The following C6orf118 variants were observed in gnomAD, a reference collection of about 807,000 sequenced individuals.
The protein encoded by C6orf118 is uncharacterized protein C6orf118.
Under a neutral mutation model 50.2 loss-of-function variants are expected in C6orf118, and 50 were observed. That is an observed-to-expected ratio of 1.00 (90% CI 0.79 to 1.26). The LOEUF is 1.26. Among genes scored for constraint, C6orf118 ranks in the 50% most tolerant of loss-of-function variants. The probability of loss-of-function intolerance (pLI) is 0.00; values close to 1 mark genes in which losing one functional copy is unlikely to be tolerated. For synonymous variants in C6orf118, 239 were observed against 230.9 expected, an observed-to-expected ratio of 1.03 and a Z score of -0.32; for missense variants, 641 against 578.7, an observed-to-expected ratio of 1.11 and a Z score of -1.10.
At position 165,289,921 on chromosome 6, in the gene C6orf118, A is replaced by C. The variant is rs753051233; in HGVS notation, c.1267T>G (p.Ser423Ala). Residue 423 changes from serine (S) to alanine (A), a missense_variant, in exon 7 of 9, where the codon TCA becomes GCA. Transcript: ENST00000230301. ...IKTTLVHTGISDITENRIKSI... is the reference protein window; with the variant it reads ...IKTTLVHTGIADITENRIKSI... ...TTAATCCTATTCTCAGTGATATCTG[A>C]AATTCCAGTATGAACCAAAGTTGTT... is the stretch of plus-strand genomic sequence containing the variant. 2 of 1,606,902 alleles carry C rather than the reference A, an allele frequency of 1.2e-6. No homozygotes were observed. The highest frequency in any genetic ancestry group is 1.7e-6 in the Non-Finnish European group (2 of 1,177,282).
chr6:165,295,317 T>C (rs1170601532), intron 5 of C6orf118, among the ~76,000 whole-genome samples: 1 of 152,196 alleles, frequency 6.6e-6, no homozygotes, highest in Non-Finnish European at 1.5e-5. Context: ...TTTCTCTCCT[T>C]AGTTTTTAAA....
chr6:165,293,750 T>C (rs897198022), intron 5 of C6orf118, among the ~76,000 whole-genome samples: 6 of 152,238 alleles, frequency 3.9e-5, no homozygotes, highest in African/African-American at 1.4e-4. Flanking sequence ...TTTTTGTTAA[T>C]GCAATTGCTA....
intron 7 of C6orf118, among the ~76,000 whole-genome samples, chr6:165,288,461 T>C (rs1039559822): frequency 1.3e-5 from 2 of 152,144 alleles, no homozygotes; most frequent in African/African-American, 4.8e-5. Context: ...TATAAATCAT[T>C]CTATTATAAA....
At chr6:165,285,909 G>A (rs1243676801) in intron 7 of C6orf118, among the ~76,000 whole-genome samples, 4 of 150,684 alleles carry the variant, frequency 2.7e-5, no homozygotes, top group African/African-American at 9.8e-5. Flanking sequence ...GGAGAAGACA[G>A]GAAATAATCA....
In C6orf118 at chr6:165,301,807, C is replaced by T. The variant is rs545305011; in HGVS notation, c.515G>A (p.Arg172His). Residue 172 changes from arginine (R) to histidine (H), a missense_variant, in exon 2 of 9, where the codon CGC becomes CAC. Physicochemically the swap from Arg to His is conservative, Grantham distance 29 (BLOSUM62 0). Coordinates refer to ENST00000230301, the MANE Select transcript of C6orf118 (RefSeq NM_144980.4). ...GGGCAGCCGGAGTTCTTCCCTCCTG[C>T]GCCATCCAGGAGGGCCCCGTCCAGG... ...GPPGRGPPGWRRREELRLPDL... is the reference protein window; with the variant it reads ...GPPGRGPPGWHRREELRLPDL... 27 of 1,613,938 alleles carry T rather than the reference C, an allele frequency of 1.7e-5. No homozygotes were observed. The highest frequency in any genetic ancestry group is 1.2e-4 in the African/African-American group (9 of 75,020).
chr6:165,290,066 T>C lies in C6orf118; in HGVS notation c.1122A>G (p.Glu374=). The change falls in exon 7 of 9, where the codon GAA becomes GAG. Residue 374 remains glutamate, a splice_region_variant and synonymous_variant. Coordinates refer to ENST00000230301, the MANE Select transcript of C6orf118 (RefSeq NM_144980.4). The stretch of plus-strand genomic sequence containing the variant: ...CATCAATTATATGTTTCTCAGATGA[T>C]TCTGGAAATATTTTTTAAAACAAAG... The part of the protein sequence containing the change: ...ALLQSAKERS[E]SSEKHIIDEN... 1 of 1,577,284 alleles carries C rather than the reference T, an allele frequency of 6.3e-7. No individual in the cohort carries two copies. Among genetic ancestry groups the C allele is most frequent in the South Asian group, 1.2e-5 (1 of 85,282 alleles).
At position 165,280,040 on chromosome 6, in the gene C6orf118, G is replaced by T. The variant is rs780779442; in HGVS notation, c.*17C>A. ...AGTTAAGAATTTCCACTGGCCATTT[G>T]TTCAGCCACTTGAGCGTTATCTTCT... On this transcript the variant is annotated 3_prime_UTR_variant, in exon 9 of 9. Coordinates refer to ENST00000230301, the MANE Select transcript of C6orf118 (RefSeq NM_144980.4). The T allele has an allele frequency of 6.3e-6, 10 of 1,597,586 alleles. No individual in the cohort carries two copies. In the East Asian group the frequency reaches 2.0e-4, roughly 32 times the overall value.
chr6:165,300,472 A>C lies in C6orf118; in HGVS notation c.768T>G (p.Ile256Met), dbSNP rs510579. 603,033 of 1,607,492 alleles carry C rather than the reference A, an allele frequency of 0.38. 121,026 individuals are homozygous for C. The highest frequency in any genetic ancestry group is 0.76 in the African/African-American group (56,763 of 74,692). The change falls in exon 3 of 9, where the codon ATT becomes ATG. Residue 256 changes from isoleucine to methionine, a missense_variant. Transcript: ENST00000230301. Reference protein sequence around the residue: ...ERKLQQELQKICTCSPQQFNR... With the variant: ...ERKLQQELQKMCTCSPQQFNR... ...TGAACTGCTGGGGGCTGCACGTGCA[A>C]ATTTTCTGGAGCTCCTGGAGGAAAA... is the stretch of plus-strand genomic sequence containing the variant.
At position 165,293,418 on chromosome 6, in the gene C6orf118, C is replaced by T. The variant is rs149970829; in HGVS notation, c.1115G>A (p.Arg372Gln). 32 of 1,613,798 alleles carry T rather than the reference C, an allele frequency of 2.0e-5. No individual in the cohort carries two copies. The highest frequency in any genetic ancestry group is 2.2e-5 in the Non-Finnish European group (26 of 1,179,786). ...EVALLQSAKE[R>Q]SESSEKHIID... ...GACATCACACAGACACCTGCCTGAT[C>T]GTTCCTTTGCAGACTGCAGCAATGC... Residue 372 changes from arginine to glutamine, a missense_variant, in exon 6 of 9, where the codon CGA (arginine) becomes CAA (glutamine). Transcript: ENST00000230301.
Position 165,298,079 on chromosome 6 carries a change from G to A in C6orf118, c.959C>T (p.Ala320Val), listed in dbSNP as rs372984897. 2.2e-5 allele frequency: 35 copies of A among 1,607,008 alleles called. 1 individual carries two copies. The Middle Eastern group carries it at 1.2e-3, about 53-fold the overall frequency. The stretch of plus-strand genomic sequence containing the variant: ...CGTCTTCACCGGCCTCTGCCCCAGC[G>A]CCTTGAGTTGAGCCAGAAGAGCCTA... ...QYEALLAQLK[A>V]LGQRPVKTAD... is the part of the protein sequence containing the mutation. The change falls in exon 5 of 9, where the codon GCG becomes GTG. Residue 320 changes from alanine to valine, a missense_variant. Physicochemically the swap from Ala to Val is moderately conservative, Grantham distance 64 (BLOSUM62 0). Coordinates refer to ENST00000230301, the MANE Select transcript of C6orf118 (RefSeq NM_144980.4).
rs1325760337 is a variant in C6orf118 at position 165,296,834 on chromosome 6, G to A, written c.1061+1143C>T. On this transcript the variant is annotated intron_variant, in intron 5 of 8. Coordinates refer to ENST00000230301, the MANE Select transcript of C6orf118 (RefSeq NM_144980.4). Reference sequence around the variant, plus strand: ...TGGCCTTCTCTGTGCCTCACCTGATGGACACACTTGAATGTCACCTTTTAC... The same window carrying A: ...TGGCCTTCTCTGTGCCTCACCTGATAGACACACTTGAATGTCACCTTTTAC... Among the ~76,000 whole-genome samples, 5 of 152,098 alleles carry A rather than the reference G, an allele frequency of 3.3e-5. No homozygotes were observed. The East Asian group carries it at 9.7e-4, about 29-fold the overall frequency.
chr6:165,280,818 A>G (rs182043532), intron 8 of C6orf118, among the ~76,000 whole-genome samples: 29 of 152,318 alleles, frequency 1.9e-4, no homozygotes, highest in African/African-American at 6.0e-4. Context: ...GCCACACTCA[A>G]AGGAAAGCAG....
At chr6:165,305,812 A>C (rs1780698654) in intron 1 of C6orf118, among the ~76,000 whole-genome samples, 1 of 106,234 alleles carries the variant, frequency 9.4e-6, no homozygotes, top group Non-Finnish European at 1.7e-5. Context: ...ATCATTAAAA[A>C]GTCAGGAAAT....
In C6orf118 at chr6:165,293,450, C is replaced by T. The variant is rs773384059; in HGVS notation, c.1083G>A (p.Met361Ile). The T allele has an allele frequency of 6.2e-6, 10 of 1,613,636 alleles. No individual in the cohort carries two copies. The highest frequency in any genetic ancestry group is 2.2e-5 in the East Asian group (1 of 44,884). Residue 361 changes from methionine (M) to isoleucine (I), a missense_variant, in exon 6 of 9, where the codon ATG becomes ATA. Met to Ile is a conservative substitution (Grantham distance 10, BLOSUM62 1). Coordinates refer to ENST00000230301, the MANE Select transcript of C6orf118 (RefSeq NM_144980.4). ...QNDRLRSELEMEVALLQSAKE... is the reference protein window; with the variant it reads ...QNDRLRSELEIEVALLQSAKE... Reference sequence around the variant, plus strand: ...TTGCAGACTGCAGCAATGCCACCTCCATCTCCAGTTCACTTCTGAGTCTAC... The same window carrying T: ...TTGCAGACTGCAGCAATGCCACCTCTATCTCCAGTTCACTTCTGAGTCTAC...
chr6:165,299,849 A>G (rs1204827337), intron 3 of C6orf118, among the ~76,000 whole-genome samples: 1 of 152,222 alleles, frequency 6.6e-6, no homozygotes, highest in Non-Finnish European at 1.5e-5. Flanking sequence ...ACGCCCAGCT[A>G]ATTTTTGTAT....
chr6:165,294,773 C>T (rs757691985), intron 5 of C6orf118, among the ~76,000 whole-genome samples: 9 of 152,058 alleles, frequency 5.9e-5, no homozygotes, highest in Non-Finnish European at 4.4e-5. Context: ...GTCCCAGCTA[C>T]TTGGGAGGCT....
chr6:165,303,646 C>A (rs1460080940), intron 1 of C6orf118, among the ~76,000 whole-genome samples: 2 of 102,658 alleles, frequency 1.9e-5, no homozygotes, highest in East Asian at 2.5e-4. Flanking sequence ...GATATCACCA[C>A]CGATCCCACA....
chr6:165,307,754 C>T (rs1780796632), intron 1 of C6orf118, among the ~76,000 whole-genome samples: 1 of 152,196 alleles, frequency 6.6e-6, no homozygotes, highest in African/African-American at 2.4e-5. Context: ...CTTCCAAGAA[C>T]AGAGCAGCAG....
chr6:165,299,421 G>C (rs1013934704), intron 4 of C6orf118, 22 bp downstream of exon 4: 29 of 1,611,184 alleles, frequency 1.8e-5, no homozygotes, highest in African/African-American at 5.3e-5. Flanking sequence ...CTCTATTCAG[G>C]CTCTTTGTGA....
Sources: gnomAD v4.1 joint callset for allele counts (sites outside exome capture counted in the v4.1 genomes callset) on GRCh38, gnomAD v4.1.1 for gene constraint, MANE v1.5 for transcripts, NCBI Gene and HGNC (gene_info 2026-07-23, HGNC 2026-07-21) for gene names.